The following CDHR5 variants were observed in gnomAD, a reference collection of about 807,000 sequenced individuals.
The protein encoded by CDHR5 is cadherin-related family member 5.
Under a neutral mutation model 69.5 loss-of-function variants are expected in CDHR5, and 82 were observed. That is an observed-to-expected ratio of 1.18 (90% CI 0.99 to 1.42). The LOEUF is 1.42. Among genes scored for constraint, CDHR5 ranks in the 40% most tolerant of loss-of-function variants. CDHR5 has a pLI of 0.00. For synonymous variants in CDHR5, 601 were observed against 510.2 expected, an observed-to-expected ratio of 1.18 and a Z score of -2.40; for missense variants, 1,293 against 1,168.9, an observed-to-expected ratio of 1.11 and a Z score of -1.55.
In CDHR5 at chr11:624,140, T is replaced by G; in HGVS notation, c.312+73A>C. 1.5e-6 allele frequency: 1 copy of G among 680,694 alleles called. No homozygotes were observed. Among genetic ancestry groups the G allele is most frequent in the Non-Finnish European group, 2.7e-6 (1 of 364,894 alleles). 42.2% of individuals were successfully genotyped at this position (680,694 alleles called of 1,614,324 possible). On this transcript the variant is annotated intron_variant, in intron 3 of 14. Transcript: ENST00000397542. The surrounding 1 kb of genome is among the most constrained non-coding windows in gnomAD (Gnocchi z 5.3). The stretch of plus-strand genomic sequence containing the variant: ...CACCCTAGCTGACGTCATCAAAGAC[T>G]GGTCCTGGACCGGCAGGGCAGAGCC...
rs115670808 is a variant in CDHR5, at chr11:624,659, G to A, written c.159C>T (p.His53=). Reference sequence around the variant, plus strand: ...GGGTCACCTCCTGGCCCTCCGGGACGTGGATGTCCACCAGCGGCTCGGTGA... The same window carrying A: ...GGGTCACCTCCTGGCCCTCCGGGACATGGATGTCCACCAGCGGCTCGGTGA... The part of the protein sequence containing the change: ...TNVTEPLVDI[H]VPEGQEVTLG... The change falls in exon 2 of 15, where the codon CAC becomes CAT. Residue 53 remains histidine (H), a synonymous_variant. Transcript: ENST00000397542. The surrounding 1 kb of genome is among the most constrained non-coding windows in gnomAD (Gnocchi z 5.3). 3.4e-4 allele frequency: 552 copies of A among 1,613,610 alleles called. 5 individuals carry two copies. In the South Asian group the frequency reaches 4.9e-3, roughly 14 times the overall value.
At position 618,563 on chromosome 11, in the gene CDHR5, G is replaced by A. The variant is rs561470639; in HGVS notation, c.1960+36C>T. The A allele has an allele frequency of 2.5e-5, 40 of 1,608,814 alleles. No individual in the cohort carries two copies. The Admixed American group carries it at 3.0e-4, about 12-fold the overall frequency. On this transcript the variant is annotated intron_variant, in intron 13 of 14. Transcript: ENST00000397542. ...GCGTTTCCCATACCAGCCAATGACC[G>A]GAGTCAGGGAGGGAAGGCAACAGAG...
In CDHR5 at chr11:619,395, G is replaced by T; in HGVS notation, c.1294-5C>A. ...CACCGTGTTGTGGGCCTCAACCTGG[G>T]GCAGGAAGGGGCTTGTCCCTCCTAG... On this transcript the variant is annotated splice_region_variant and splice_polypyrimidine_tract_variant and intron_variant, in intron 11 of 14. Coordinates refer to ENST00000397542, the MANE Select transcript of CDHR5 (RefSeq NM_021924.5). 6.2e-7 allele frequency: 1 copy of T among 1,612,782 alleles called. No homozygotes were observed. Among genetic ancestry groups the T allele is most frequent in the Non-Finnish European group, 8.5e-7 (1 of 1,178,992 alleles).
rs1857276541 is a variant in CDHR5 at position 620,063 on chromosome 11, T to C, written c.978+4A>G. ...CCTGCCCCCCATGCAGGTGCCCACC[T>C]CACCTTCACCAGCAGAAGGAAGGTC... On this transcript the variant is annotated splice_donor_region_variant and intron_variant, in intron 9 of 14. Transcript: ENST00000397542. The C allele has an allele frequency of 3.3e-6, 5 of 1,523,624 alleles. No individual in the cohort carries two copies. Among genetic ancestry groups the C allele is most frequent in the Non-Finnish European group, 4.4e-6 (5 of 1,126,236 alleles). 94.4% of individuals were successfully genotyped at this position (1,523,624 alleles called of 1,614,324 possible).
Position 621,722 on chromosome 11 carries a change from T to C in CDHR5, c.406-59A>G, listed in dbSNP as rs1462499501. The C allele has an allele frequency of 6.4e-7, 1 of 1,550,666 alleles. No individual in the cohort carries two copies. Among genetic ancestry groups the C allele is most frequent in the East Asian group, 2.2e-5 (1 of 44,552 alleles). ...TCTTGGCCCCTGTGGACCCCCACTGTGGTTGAGCCCCCGGCCACCACTCAC... is the reference window on the plus strand; with the variant it reads ...TCTTGGCCCCTGTGGACCCCCACTGCGGTTGAGCCCCCGGCCACCACTCAC... On this transcript the variant is annotated intron_variant, in intron 4 of 14. Transcript: ENST00000397542. This position sits in a 1 kb window ranked among gnomAD's most constrained non-coding sequence, Gnocchi z 4.4.
chr11:619,253 C>G, intron 12 of CDHR5, 53 bp downstream of exon 12: 1 of 1,496,862 alleles, frequency 6.7e-7, no homozygotes, highest in Non-Finnish European at 9.2e-7. Context: ...AAGGAGCCAC[C>G]GAAGGGGCTT....
Position 619,021 on chromosome 11 carries a change from G to A in CDHR5, c.1538C>T (p.Pro513Leu). 1 of 1,613,614 alleles carries A rather than the reference G, an allele frequency of 6.2e-7. No individual in the cohort carries two copies. Among genetic ancestry groups the A allele is most frequent in the Non-Finnish European group, 8.5e-7 (1 of 1,179,850 alleles). The change falls in exon 13 of 15, where the codon CCA becomes CTA. Residue 513 changes from proline (P) to leucine (L), a missense_variant. Pro to Leu is a moderately conservative substitution (Grantham distance 98). Transcript: ENST00000397542. ...HPPSGTTLRP[P>L]TSSTPGGPPG... ...GGGCCCCCCGGGTGTGGACGAGGTT[G>A]GTGGCCTCAGAGTTGTGCCAGAGGG... is the stretch of plus-strand genomic sequence containing the variant.
chr11:617,859 C>T (rs1052145423), intron 14 of CDHR5, 89 bp from the exon 15 acceptor site: 39 of 1,497,124 alleles, frequency 2.6e-5, no homozygotes, highest in East Asian at 7.1e-5. Flanking sequence ...GACACCCCTC[C>T]GTCTCCACAT....
chr11:621,216 G>A lies in CDHR5; in HGVS notation c.653C>T (p.Thr218Ile), dbSNP rs772843286. Residue 218 changes from threonine (T) to isoleucine (I), a missense_variant, in exon 7 of 15, where the codon ACT becomes ATT. Coordinates refer to ENST00000397542, the MANE Select transcript of CDHR5 (RefSeq NM_021924.5). The surrounding 1 kb of genome is among the most constrained non-coding windows in gnomAD (Gnocchi z 4.4). ...TPGENVEPSH[T>I]ATATLVLNVV... ...GTTCAGCACTAGTGTGGCGGTGGCAGTGTGGCTGGGTTCCACATTCTCCCC... is the reference window on the plus strand; with the variant it reads ...GTTCAGCACTAGTGTGGCGGTGGCAATGTGGCTGGGTTCCACATTCTCCCC... The A allele has an allele frequency of 1.5e-5, 24 of 1,597,576 alleles. No individual in the cohort carries two copies. The highest frequency in any genetic ancestry group is 2.0e-5 in the Non-Finnish European group (23 of 1,170,580).
chr11:618,045 C>A lies in CDHR5; in HGVS notation c.2027G>T (p.Gly676Val). 6.2e-7 allele frequency: 1 copy of A among 1,612,318 alleles called. No individual in the cohort carries two copies. The change falls in exon 14 of 15, where the codon GGT becomes GTT. Residue 676 changes from glycine (G) to valine (V), a missense_variant. Gly to Val is a moderately radical substitution (Grantham distance 109). Coordinates refer to ENST00000397542, the MANE Select transcript of CDHR5 (RefSeq NM_021924.5). ...AAGGAGAGCCAGCAGCAGCAGCGCACCCAGCACCCCGCCCAGGGCCGCCAT... is the reference window on the plus strand; with the variant it reads ...AAGGAGAGCCAGCAGCAGCAGCGCAACCAGCACCCCGCCCAGGGCCGCCAT... ...VDMAALGGVL[G>V]ALLLLALLGL...
rs144175464 is a variant in CDHR5, at chr11:620,128, G to C, written c.917C>G (p.Ser306Trp). 33 of 1,613,570 alleles carry C rather than the reference G, an allele frequency of 2.0e-5. No homozygotes were observed. The highest frequency in any genetic ancestry group is 2.7e-5 in the Non-Finnish European group (32 of 1,179,824). ...ACTCCTGGCCACGGTGAGGTTGCCC[G>C]AGTCTGGGTGGATGATGAATGTACC... ...VNGTFIIHPD[S>W]GNLTVARSVP... The change falls in exon 9 of 15, where the codon TCG (serine) becomes TGG (tryptophan). Residue 306 changes from serine (S) to tryptophan (W), a missense_variant. Coordinates refer to ENST00000397542, the MANE Select transcript of CDHR5 (RefSeq NM_021924.5).
Position 621,963 on chromosome 11 carries a change from T to C in CDHR5, c.313-59A>G. 1 of 1,344,504 alleles carries C rather than the reference T, an allele frequency of 7.4e-7. No homozygotes were observed. The highest frequency in any genetic ancestry group is 1.0e-6 in the Non-Finnish European group (1 of 955,296). The allele number at this position is 1,344,504 out of a possible 1,614,324, so 83.3% of individuals were successfully genotyped here. On this transcript the variant is annotated intron_variant, in intron 3 of 14. Coordinates refer to ENST00000397542, the MANE Select transcript of CDHR5 (RefSeq NM_021924.5). The surrounding 1 kb of genome is among the most constrained non-coding windows in gnomAD (Gnocchi z 4.4). Reference sequence around the variant, plus strand: ...CCCTCCCCGTTGTGAGGTGCACCCCTCGACGGCTATCCGTCCCCACCGTGA... The same window carrying C: ...CCCTCCCCGTTGTGAGGTGCACCCCCCGACGGCTATCCGTCCCCACCGTGA...
rs145164224 is a variant in CDHR5, at chr11:616,793, T to A, written c.*558A>T. 1.9e-5 allele frequency: 3 copies of A among 158,842 alleles called. No homozygotes were observed. Among genetic ancestry groups the A allele is most frequent in the African/African-American group, 7.2e-5 (3 of 41,672 alleles). 9.8% of individuals were successfully genotyped at this position (158,842 alleles called of 1,614,324 possible). ...CCCAGCGCGCCTCAGTCCAGGTCAC[T>A]GGGCAGGGTGTTTACTGCTGCGCTC... On this transcript the variant is annotated 3_prime_UTR_variant, in exon 15 of 15. Coordinates refer to ENST00000397542, the MANE Select transcript of CDHR5 (RefSeq NM_021924.5).
At position 621,148 on chromosome 11, in the gene CDHR5, T is replaced by TGCAGGGCAGGAACCACGGGGGCC; in HGVS notation, c.698_720dup (p.Thr241GlyfsTer64). 4 of 1,601,646 alleles carry TGCAGGGCAGGAACCACGGGGGCC rather than the reference T, an allele frequency of 2.5e-6. No homozygotes were observed. In the South Asian group the frequency reaches 4.5e-5, roughly 18 times the overall value. On this transcript the variant is annotated frameshift_variant, in exon 7 of 15. Transcript: ENST00000397542. LOFTEE classifies it high-confidence loss of function. The surrounding 1 kb of genome is among the most constrained non-coding windows in gnomAD (Gnocchi z 4.4). ...ATGCAGACGTAGCCATCTGAGAAGG[T>TGCAGGGCAGGAACCACGGGGGCC]GCAGGGCAGGAACCACGGGGGCCGC... is the stretch of plus-strand genomic sequence containing the variant.
Position 618,795 on chromosome 11 carries a change from G to A in CDHR5, c.1764C>T (p.Thr588=). The A allele has an allele frequency of 6.2e-7, 1 of 1,611,032 alleles. No individual in the cohort carries two copies. The highest frequency in any genetic ancestry group is 1.7e-4 in the Middle Eastern group (1 of 6,020). ...TSQPMPPSMG[T]STSHQPATPG... ...GTGTGGCTGGTTGGTGGGAGGTGCT[G>A]GTTCCCATACTGGGGGGCATCGGCT... is the stretch of plus-strand genomic sequence containing the variant. The change falls in exon 13 of 15, where the codon ACC becomes ACT. Residue 588 remains threonine, a synonymous_variant. Transcript: ENST00000397542.
rs1856942288 is a variant in CDHR5 at position 617,001 on chromosome 11, G to T, written c.*350C>A. The T allele has an allele frequency of 6.4e-6, 2 of 311,142 alleles. No individual in the cohort carries two copies. The highest frequency in any genetic ancestry group is 2.2e-5 in the African/African-American group (1 of 45,540). The allele number at this position is 311,142 out of a possible 1,614,324, so 19.3% of individuals were successfully genotyped here. ...CGGGTGCCTGAGATCTCCGGTGCAG[G>T]TCGGGGGAGGGGAGCCCCCCTCGGG... On this transcript the variant is annotated 3_prime_UTR_variant, in exon 15 of 15. Coordinates refer to ENST00000397542, the MANE Select transcript of CDHR5 (RefSeq NM_021924.5).
chr11:617,082 A>G lies in CDHR5; in HGVS notation c.*269T>C, dbSNP rs1317217395. 2.0e-6 allele frequency: 1 copy of G among 512,636 alleles called. No individual in the cohort carries two copies. The highest frequency in any genetic ancestry group is 3.3e-5 in the East Asian group (1 of 30,384). 31.8% of individuals were successfully genotyped at this position (512,636 alleles called of 1,614,324 possible). A position where few individuals can be genotyped will look rare whatever the true frequency, so the allele number is the denominator to read the frequency against. On this transcript the variant is annotated 3_prime_UTR_variant, in exon 15 of 15. Transcript: ENST00000397542. ...GACTAGCTGGCACAGAGCCTCGGGA[A>G]GGCGGCGGGCACTGCAGGTGGTTTA...
chr11:619,936 G>A (rs1405647730), intron 9 of CDHR5, 55 bp from the exon 10 acceptor site: 4 of 1,459,872 alleles, frequency 2.7e-6, no homozygotes, highest in Non-Finnish European at 3.7e-6. Flanking sequence ...AGCTGGCGCT[G>A]AAGGCTGGGG....
Position 624,875 on chromosome 11 carries a change from G to T in CDHR5, c.28C>A (p.Pro10Thr). 6.4e-7 allele frequency: 1 copy of T among 1,574,542 alleles called. No homozygotes were observed. The highest frequency in any genetic ancestry group is 1.1e-5 in the South Asian group (1 of 87,856). MGSWALLWP[P>T]LLFTGLLVRP... is the part of the protein sequence containing the mutation. Reference sequence around the variant, plus strand: ...ACGAGCAGCCCGGTGAACAGCAGGGGAGGCCACAGCAGGGCCCAAGACCCC... The same window carrying T: ...ACGAGCAGCCCGGTGAACAGCAGGGTAGGCCACAGCAGGGCCCAAGACCCC... The change falls in exon 1 of 15, where the codon CCC becomes ACC. Residue 10 changes from proline (P) to threonine (T), a missense_variant. By Grantham distance (38) the Pro-to-Thr change is conservative. Transcript: ENST00000397542. This position sits in a 1 kb window ranked among gnomAD's most constrained non-coding sequence, Gnocchi z 5.3.
Sources: gnomAD v4.1 joint callset for allele counts on GRCh38, gnomAD v4.1.1 for gene constraint, Gnocchi (gnomAD v3.1) non-coding constraint, MANE v1.5 for transcripts, NCBI Gene and HGNC (gene_info 2026-07-23, HGNC 2026-07-21) for gene names.